Variants in SETD2 observed in about 807,000 individuals in gnomAD.
SETD2 encodes the protein histone-lysine N-methyltransferase SETD2.
Under a neutral mutation model 242.1 loss-of-function variants are expected in SETD2, and 31 were observed. That is an observed-to-expected ratio of 0.13 (90% CI 0.10 to 0.17). The LOEUF is 0.17. Ranked by LOEUF, SETD2 falls within the 10% of genes least tolerant of loss-of-function variation. SETD2 has a pLI of 1.00. For synonymous variants in SETD2, 1,006 were observed against 1,066.5 expected, an observed-to-expected ratio of 0.94 and a Z score of 1.11; for missense variants, 2,481 against 3,046.3, an observed-to-expected ratio of 0.81 and a Z score of 4.37.
At chr3:47,073,287 A>G (rs1177910657) in intron 12 of SETD2, among the ~76,000 whole-genome samples, 1 of 152,204 alleles carries the variant, frequency 6.6e-6, no homozygotes, top group Non-Finnish European at 1.5e-5. Flanking sequence ...AACTTCAGGT[A>G]AAAGGCATTC....
chr3:47,033,996 C>A (rs2038893568), intron 18 of SETD2, among the ~76,000 whole-genome samples: 1 of 152,170 alleles, frequency 6.6e-6, no homozygotes, highest in South Asian at 2.1e-4. Context: ...GTCTTGAACT[C>A]CTGGCCTCAA....
chr3:47,074,727 G>A (rs1457661659), intron 12 of SETD2, among the ~76,000 whole-genome samples: 2 of 133,622 alleles, frequency 1.5e-5, no homozygotes, highest in African/African-American at 8.2e-5. Context: ...ACACGCCCCT[G>A]TTAGAGAAAT....
At chr3:47,131,670 T>C (rs2043479411) in intron 1 of SETD2, among the ~76,000 whole-genome samples, 1 of 151,780 alleles carries the variant, frequency 6.6e-6, no homozygotes, top group Non-Finnish European at 1.5e-5. Context: ...GAAAAAGTAC[T>C]ATATGTAGCT....
intron 18 of SETD2, among the ~76,000 whole-genome samples, chr3:47,036,562 T>C (rs542826070): frequency 6.6e-6 from 1 of 151,498 alleles, no homozygotes; most frequent in South Asian, 2.1e-4. Flanking sequence ...CCTATTGGTT[T>C]TGAACAGACC....
intron 2 of SETD2, 105 bp from the exon 3 acceptor site, chr3:47,124,653 TAACA>T (rs918304503): frequency 1.1e-6 from 1 of 950,604 alleles, no homozygotes; most frequent in African/African-American, 1.7e-5. Context: ...CCCTTTTTAA[TAACA>T]AATAGTATGA....
intron 18 of SETD2, among the ~76,000 whole-genome samples, chr3:47,030,379 G>A (rs973658407): frequency 6.6e-6 from 1 of 152,132 alleles, no homozygotes; most frequent in South Asian, 2.1e-4. Context: ...CAGAAACCAC[G>A]CAAACTGAAG....
intron 15 of SETD2, among the ~76,000 whole-genome samples, chr3:47,052,166 G>GT (rs2039874688): frequency 6.6e-6 from 1 of 151,976 alleles, no homozygotes. Context: ...CGAGATTTTT[G>GT]TTTTTTCTGT....
rs2043256243 is a variant in SETD2 at position 47,124,686 on chromosome 3, T to A, written c.88-138A>T. ...AGTATGAATTTCACTAAGCTATATA[T>A]ATCTTTATTATGAAAATTTTCAAAC... On this transcript the variant is annotated intron_variant, in intron 2 of 20. Transcript: ENST00000409792. The A allele has an allele frequency of 1.7e-5, 12 of 686,506 alleles. No individual in the cohort carries two copies. In the East Asian group the frequency reaches 3.5e-4, roughly 20 times the overall value. The allele number at this position is 686,506 out of a possible 1,614,324, so 42.5% of individuals were successfully genotyped here.
intron 13 of SETD2, among the ~76,000 whole-genome samples, chr3:47,065,025 A>G (rs2040501199): frequency 6.6e-6 from 1 of 152,054 alleles, no homozygotes; most frequent in Non-Finnish European, 1.5e-5. Flanking sequence ...GCCACACCAG[A>G]CTAGATATTT....
At chr3:47,141,059 A>G (rs1470063594) in intron 1 of SETD2, among the ~76,000 whole-genome samples, 3 of 151,656 alleles carry the variant, frequency 2.0e-5, no homozygotes, top group Admixed American at 1.3e-4. Context: ...GTGCAGTGTC[A>G]TGATCTTGGT....
intron 1 of SETD2, among the ~76,000 whole-genome samples, chr3:47,130,787 G>C (rs1331782950): frequency 6.6e-6 from 1 of 151,764 alleles, no homozygotes; most frequent in Admixed American, 6.6e-5. Context: ...AAAAAAAAAA[G>C]AATATGTTAG....
chr3:47,094,458 T>C (rs567697493), intron 9 of SETD2, among the ~76,000 whole-genome samples: 171 of 152,368 alleles, frequency 1.1e-3, no homozygotes, highest in Non-Finnish European at 2.1e-3. Flanking sequence ...AGTTTATACA[T>C]GCAAAACTGC....
At chr3:47,144,480 T>C (rs951447167) in intron 1 of SETD2, among the ~76,000 whole-genome samples, 10 of 151,220 alleles carry the variant, frequency 6.6e-5, no homozygotes, top group African/African-American at 2.4e-4. Flanking sequence ...CTGCTAAAAA[T>C]ACAAAAATTA....
At chr3:47,056,799 GA>G in intron 15 of SETD2, 21 bp downstream of exon 15, 2 of 1,599,284 alleles carry the variant, frequency 1.3e-6, no homozygotes, top group Non-Finnish European at 1.7e-6. Flanking sequence ...AAGCAGAAAA[GA>G]AAAGTTTCAG....
At chr3:47,094,688 G>C (rs957528900) in intron 9 of SETD2, among the ~76,000 whole-genome samples, 17 of 152,320 alleles carry the variant, frequency 1.1e-4, no homozygotes, top group Admixed American at 9.2e-4. Flanking sequence ...CTCTGCATTA[G>C]AGTCAAGGGC....
rs1324928449 is a variant in SETD2 at position 47,122,432 on chromosome 3, G to C, written c.2204C>G (p.Thr735Ser). The stretch of plus-strand genomic sequence containing the variant: ...TTCTGACTTCTTATGCAGCATGCAG[G>C]TATCATCCAAGTCTTTTTCTTTGCA... The part of the protein sequence containing the change: ...SRCKEKDLDD[T>S]CMLHKKSESP... The change falls in exon 3 of 21, where the codon ACC becomes AGC. Residue 735 changes from threonine (T) to serine (S), a missense_variant. By Grantham distance (58) the Thr-to-Ser change is moderately conservative. Transcript: ENST00000409792. The C allele has an allele frequency of 6.2e-7, 1 of 1,614,126 alleles. No homozygotes were observed. The highest frequency in any genetic ancestry group is 2.2e-5 in the East Asian group (1 of 44,874).
chr3:47,152,747 G>C (rs1453149248), intron 1 of SETD2, among the ~76,000 whole-genome samples: 1 of 152,172 alleles, frequency 6.6e-6, no homozygotes, highest in Non-Finnish European at 1.5e-5. Flanking sequence ...GCCACAGGAA[G>C]AACTACAATT....
intron 1 of SETD2, among the ~76,000 whole-genome samples, chr3:47,151,217 T>C (rs188815756): frequency 1.2e-4 from 18 of 152,220 alleles, no homozygotes; most frequent in African/African-American, 4.3e-4. Context: ...ACAGGTCTAA[T>C]GAGAATAGAT....
At chr3:47,099,975 T>C (rs1238688442) in intron 8 of SETD2, among the ~76,000 whole-genome samples, 2 of 152,088 alleles carry the variant, frequency 1.3e-5, no homozygotes, top group Admixed American at 1.3e-4. Context: ...CTTTTTTGTT[T>C]TTGTTTTGTT....
Sources: allele counts gnomAD v4.1 joint callset (sites outside exome capture counted in the v4.1 genomes callset), GRCh38; gene constraint gnomAD v4.1.1; transcripts MANE v1.5; gene names NCBI Gene and HGNC (gene_info 2026-07-23, HGNC 2026-07-21).